IMMP2L: variants seen among roughly 807,000 people sequenced by gnomAD.
The protein encoded by IMMP2L is mitochondrial inner membrane protease subunit 2.
IMMP2L carries 18 observed loss-of-function variants against 19.3 expected under a neutral mutation model. The observed-to-expected ratio is 0.93, with a 90% CI of 0.64 to 1.38. The LOEUF is 1.38. IMMP2L is among the 40% of genes most tolerant of loss of function. The pLI is 0.00. For synonymous variants in IMMP2L, 76 were observed against 73.0 expected (o/e 1.04, Z -0.21); for missense variants, 233 against 218.2 (o/e 1.07, Z -0.43).
intron 5 of IMMP2L, among the ~76,000 whole-genome samples, chr7:110,763,346 T>C (rs189257368): frequency 5.5e-4 from 83 of 152,282 alleles, no homozygotes; most frequent in East Asian, 2.3e-3. Context: ...TTCCGGCATA[T>C]ACTGAATTTG....
intron 3 of IMMP2L, among the ~76,000 whole-genome samples, chr7:111,131,263 C>T (rs376221889): frequency 1.3e-5 from 2 of 151,964 alleles, no homozygotes; most frequent in Admixed American, 1.3e-4. Flanking sequence ...CTGTGTGAGG[C>T]TAAAGGGAAT....
At chr7:110,670,689 C>CAA (rs376027021) in intron 5 of IMMP2L, among the ~76,000 whole-genome samples, 89 of 91,512 alleles carry the variant, frequency 9.7e-4, no homozygotes, top group South Asian at 7.5e-3. Flanking sequence ...GACTCCGTCT[C>CAA]AAAAAAAAAA....
intron 3 of IMMP2L, among the ~76,000 whole-genome samples, chr7:111,082,589 T>C (rs762881482): frequency 1.3e-5 from 2 of 152,130 alleles, no homozygotes; most frequent in Admixed American, 1.3e-4. Flanking sequence ...ATGGGAACTA[T>C]GTGAAAGCCT....
At chr7:111,267,223 G>A (rs371270190) in intron 3 of IMMP2L, among the ~76,000 whole-genome samples, 7 of 151,970 alleles carry the variant, frequency 4.6e-5, no homozygotes, top group African/African-American at 1.2e-4. Flanking sequence ...TGCATCATCA[G>A]AATACGCATG....
At chr7:111,087,756 G>C (rs1796483039) in intron 3 of IMMP2L, among the ~76,000 whole-genome samples, 1 of 152,100 alleles carries the variant, frequency 6.6e-6, no homozygotes, top group Admixed American at 6.6e-5. Context: ...GAGCGATAAA[G>C]AGTGCTATTG....
chr7:111,364,337 A>T (rs1209764739), intron 3 of IMMP2L, among the ~76,000 whole-genome samples: 2 of 151,942 alleles, frequency 1.3e-5, no homozygotes, highest in Non-Finnish European at 1.5e-5. Context: ...ATTTTGGTTT[A>T]AAAAAAATCT....
At chr7:111,061,334 C>T (rs1793994890) in intron 3 of IMMP2L, among the ~76,000 whole-genome samples, 1 of 152,174 alleles carries the variant, frequency 6.6e-6, no homozygotes, top group African/African-American at 2.4e-5. Context: ...TAGGACCAAA[C>T]CACAGAGGGC....
chr7:110,664,428 T>C (rs962666040), intron 5 of IMMP2L, among the ~76,000 whole-genome samples: 1 of 151,690 alleles, frequency 6.6e-6, no homozygotes, highest in Non-Finnish European at 1.5e-5. Context: ...TAATAAAGTA[T>C]ACAGATCATG....
chr7:111,391,988 A>C, intron 3 of IMMP2L: 1 of 703,134 alleles, frequency 1.4e-6, no homozygotes, highest in Non-Finnish European at 2.6e-6. Flanking sequence ...GAGGTTCAGA[A>C]AGTGTCTCCT....
chr7:111,158,462 T>C (rs1804889763), intron 3 of IMMP2L, among the ~76,000 whole-genome samples: 1 of 152,090 alleles, frequency 6.6e-6, no homozygotes, highest in African/African-American at 2.4e-5. Context: ...TAGTGACAAT[T>C]ATGCCTTGAG....
intron 5 of IMMP2L, among the ~76,000 whole-genome samples, chr7:110,678,814 C>T (rs1230105207): frequency 6.6e-6 from 1 of 152,080 alleles, no homozygotes; most frequent in East Asian, 1.9e-4. Context: ...GAACATTCTC[C>T]TAATCTTTCA....
chr7:110,895,095 A>G (rs1191057502), intron 4 of IMMP2L, among the ~76,000 whole-genome samples: 1 of 152,220 alleles, frequency 6.6e-6, no homozygotes, highest in Non-Finnish European at 1.5e-5. Flanking sequence ...GGGAGGCCTC[A>G]CAAACATGGA....
chr7:111,487,047 A>G (rs1268808278), intron 3 of IMMP2L, among the ~76,000 whole-genome samples, 191 bp downstream of exon 3: 1 of 152,204 alleles, frequency 6.6e-6, no homozygotes, highest in Non-Finnish European at 1.5e-5. Context: ...GTCAACTAAC[A>G]TATTTTAAAT....
intron 4 of IMMP2L, among the ~76,000 whole-genome samples, chr7:110,933,369 T>C (rs1815719890): frequency 6.6e-6 from 1 of 152,144 alleles, no homozygotes; most frequent in Non-Finnish European, 1.5e-5. Flanking sequence ...GTTTGTGAGG[T>C]TTGTTTTTCC....
chr7:111,091,594 GTCT>G (rs1796871015), intron 3 of IMMP2L: 2 of 152,120 alleles, frequency 1.3e-5, no homozygotes, highest in East Asian at 1.9e-4. Context: ...CTCCTTTGAT[GTCT>G]TCTTCTTGTC....
intron 3 of IMMP2L, among the ~76,000 whole-genome samples, chr7:111,262,199 A>AC (rs1817379584): frequency 6.6e-6 from 1 of 152,188 alleles, no homozygotes; most frequent in African/African-American, 2.4e-5. Flanking sequence ...CAAACAATCT[A>AC]TAAACAAGAT....
intron 5 of IMMP2L, among the ~76,000 whole-genome samples, chr7:110,841,689 A>T (rs1805103639): frequency 1.3e-5 from 2 of 152,108 alleles, no homozygotes. Context: ...TTGCTTGAAG[A>T]CTTTTTTTTA....
Position 111,513,133 on chromosome 7 carries a change from A to G in IMMP2L, c.135+8180T>C, listed in dbSNP as rs77768532. On this transcript the variant is annotated intron_variant, in intron 2 of 5. Transcript: ENST00000405709. ...GACAGCTGAGCTCCTATCAAACTGA[A>G]AAGTTTCTGAAGAGAGAAGGAAACA... Among the ~76,000 whole-genome samples, 91 of 152,276 alleles carry G rather than the reference A, an allele frequency of 6.0e-4. 1 individual carries two copies. In the East Asian group the frequency reaches 0.015, roughly 25 times the overall value.
At chr7:110,718,790 T>C (rs537366629) in intron 5 of IMMP2L, among the ~76,000 whole-genome samples, 1 of 152,160 alleles carries the variant, frequency 6.6e-6, no homozygotes, top group African/African-American at 2.4e-5. Context: ...GAGCCTCAGA[T>C]GCAGATAGAG....
Sources: gnomAD v4.1 joint callset for allele counts (sites outside exome capture counted in the v4.1 genomes callset) on GRCh38, gnomAD v4.1.1 for gene constraint, MANE v1.5 for transcripts, NCBI Gene and HGNC (gene_info 2026-07-23, HGNC 2026-07-21) for gene names.